Variants in PLA2R1 observed in about 807,000 individuals in gnomAD.
PLA2R1 encodes the protein phospholipase A2 receptor 1, also known as secretory phospholipase A2 receptor.
In PLA2R1, 158 loss-of-function variants were observed where a neutral mutation model predicts 195.9. The ratio of observed to expected loss-of-function variants is 0.81; its 90% CI spans 0.71 to 0.92. The LOEUF is 0.92. Among genes scored for constraint, PLA2R1 ranks in the 40% least tolerant of loss-of-function variants. The probability of loss-of-function intolerance (pLI) is 0.00; values close to 1 mark genes in which losing one functional copy is unlikely to be tolerated. For synonymous variants in PLA2R1, 586 were observed against 598.2 expected, an observed-to-expected ratio of 0.98 and a Z score of 0.30; for missense variants, 1,626 against 1,764.6, an observed-to-expected ratio of 0.92 and a Z score of 1.41.
chr2:160,024,774 T>C (rs1048287980), intron 6 of PLA2R1, among the ~76,000 whole-genome samples: 2 of 152,148 alleles, frequency 1.3e-5, no homozygotes, highest in African/African-American at 2.4e-5. Context: ...CTGTAGCACC[T>C]TGCCTTCCTG....
At chr2:160,005,972 G>GA in intron 10 of PLA2R1, 151 bp from the exon 11 acceptor site, 2 of 634,972 alleles carry the variant, frequency 3.1e-6, no homozygotes, top group Non-Finnish European at 5.7e-6. Context: ...CAAAGACCCT[G>GA]AACATTACTA....
At chr2:159,974,960 C>T (rs1442291392) in intron 17 of PLA2R1, among the ~76,000 whole-genome samples, 1 of 152,072 alleles carries the variant, frequency 6.6e-6, no homozygotes, top group African/African-American at 2.4e-5. Context: ...AGTCAACTTA[C>T]AGAGATATAA....
rs1050574292 is a variant in PLA2R1, at chr2:159,941,223, G to A, written c.*555C>T. 2 of 152,278 alleles carry A rather than the reference G, an allele frequency of 1.3e-5. No individual in the cohort carries two copies. The highest frequency in any genetic ancestry group is 1.3e-4 in the Admixed American group (2 of 15,292). 9.4% of individuals were successfully genotyped at this position (152,278 alleles called of 1,614,324 possible). ...GAATGTCACCTTAAATATCAGTTGA[G>A]AGCCCAGAACCTGTGACCCTTAAGC... is the stretch of plus-strand genomic sequence containing the variant. On this transcript the variant is annotated 3_prime_UTR_variant, in exon 30 of 30. Transcript: ENST00000283243.
intron 11 of PLA2R1, 36 bp from the exon 12 acceptor site, chr2:159,987,394 G>A (rs905858626): frequency 7.5e-6 from 11 of 1,474,450 alleles, no homozygotes; most frequent in African/African-American, 5.6e-5. Flanking sequence ...AATACCAGAC[G>A]ACTAAAACGT....
chr2:160,016,612 A>G lies in PLA2R1; in HGVS notation c.1551+2T>C. On this transcript the variant is annotated splice_donor_variant, in intron 9 of 29. Coordinates refer to ENST00000283243, the MANE Select transcript of PLA2R1 (RefSeq NM_007366.5). LOFTEE classifies it high-confidence loss of function. ...CTAAATTGCAATGTTAACAGCACTTACCTCTTGACATCCTGATTCAGCATC... is the reference window on the plus strand; with the variant it reads ...CTAAATTGCAATGTTAACAGCACTTGCCTCTTGACATCCTGATTCAGCATC... 2 of 1,516,670 alleles carry G rather than the reference A, an allele frequency of 1.3e-6. No homozygotes were observed. Among genetic ancestry groups the G allele is most frequent in the Non-Finnish European group, 1.8e-6 (2 of 1,091,442 alleles). 94.0% of individuals were successfully genotyped at this position (1,516,670 alleles called of 1,614,324 possible).
intron 6 of PLA2R1, among the ~76,000 whole-genome samples, chr2:160,026,854 G>A (rs1337694786): frequency 1.3e-5 from 2 of 152,142 alleles, no homozygotes; most frequent in Non-Finnish European, 2.9e-5. Flanking sequence ...GGAATTTTAG[G>A]CTGCGCGTGG....
chr2:159,956,275 G>A (rs1395440270), intron 21 of PLA2R1, among the ~76,000 whole-genome samples: 1 of 152,136 alleles, frequency 6.6e-6, no homozygotes, highest in Non-Finnish European at 1.5e-5. Context: ...TCTTTCCACT[G>A]CTACTGGTGA....
At chr2:160,004,058 A>C (rs1413696112) in intron 11 of PLA2R1, among the ~76,000 whole-genome samples, 1 of 152,262 alleles carries the variant, frequency 6.6e-6, no homozygotes, top group Non-Finnish European at 1.5e-5. Flanking sequence ...CAGCAGGATC[A>C]TACCAAACAG....
intron 1 of PLA2R1, among the ~76,000 whole-genome samples, chr2:160,052,430 C>T (rs1260074909): frequency 6.6e-6 from 1 of 152,230 alleles, no homozygotes; most frequent in Admixed American, 6.5e-5. Context: ...TTTGCTAGAC[C>T]TCTGTATCTT....
At chr2:159,969,142 T>C (rs1304167604) in intron 19 of PLA2R1, 114 bp downstream of exon 19, 1 of 613,326 alleles carries the variant, frequency 1.6e-6, no homozygotes, top group Non-Finnish European at 2.9e-6. Context: ...ACACGTCAAC[T>C]GAAAAGAGAA....
At chr2:159,974,745 A>C (rs561238119) in intron 17 of PLA2R1, among the ~76,000 whole-genome samples, 1 of 109,794 alleles carries the variant, frequency 9.1e-6, no homozygotes, top group Non-Finnish European at 1.6e-5. Context: ...TCTGCAACTG[A>C]GTGTCTATGG....
At chr2:159,995,053 T>C (rs1442040013) in intron 11 of PLA2R1, among the ~76,000 whole-genome samples, 1 of 152,092 alleles carries the variant, frequency 6.6e-6, no homozygotes, top group Non-Finnish European at 1.5e-5. Context: ...GTAGTTAGTC[T>C]TTGCTGGATT....
At chr2:160,014,829 G>GACAGCTCCAT (rs1280033152) in intron 9 of PLA2R1, among the ~76,000 whole-genome samples, 2 of 152,226 alleles carry the variant, frequency 1.3e-5, no homozygotes, top group East Asian at 3.9e-4. Flanking sequence ...GTGAGTAACT[G>GACAGCTCCAT]ACAGCTCCAT....
At chr2:159,951,697 A>G in intron 23 of PLA2R1, 119 bp from the exon 24 acceptor site, 1 of 658,052 alleles carries the variant, frequency 1.5e-6, no homozygotes, top group Non-Finnish European at 2.7e-6. Flanking sequence ...TTCTTCTGGA[A>G]TTGACTGTTT....
At chr2:160,049,696 C>T (rs557164969) in intron 1 of PLA2R1, among the ~76,000 whole-genome samples, 2 of 152,106 alleles carry the variant, frequency 1.3e-5, no homozygotes, top group East Asian at 1.9e-4. Context: ...CGTGGTGGTG[C>T]GTGCCTGTAT....
At chr2:160,020,373 T>C in intron 7 of PLA2R1, 110 bp from the exon 8 acceptor site, 3 of 680,328 alleles carry the variant, frequency 4.4e-6, no homozygotes, top group Non-Finnish European at 7.5e-6. Context: ...TCTTCTTTAT[T>C]TCTTTGCATG....
intron 6 of PLA2R1, among the ~76,000 whole-genome samples, chr2:160,024,491 G>A (rs1693372026): frequency 6.6e-6 from 1 of 152,154 alleles, no homozygotes; most frequent in African/African-American, 2.4e-5. Flanking sequence ...CTGCCTCCCA[G>A]GGAATCCCTA....
chr2:160,033,903 C>G (rs1694011559), intron 3 of PLA2R1, among the ~76,000 whole-genome samples: 1 of 152,114 alleles, frequency 6.6e-6, no homozygotes, highest in African/African-American at 2.4e-5. Flanking sequence ...TGTCAGAATA[C>G]AGAGAATGTG....
chr2:159,947,632 T>G, intron 25 of PLA2R1, 73 bp from the exon 26 acceptor site: 8 of 1,346,604 alleles, frequency 5.9e-6, no homozygotes, highest in Non-Finnish European at 8.4e-6. Context: ...TTACATTACA[T>G]TCTATAAAAG....
Sources: allele counts gnomAD v4.1 joint callset (sites outside exome capture counted in the v4.1 genomes callset), GRCh38; gene constraint gnomAD v4.1.1; transcripts MANE v1.5; gene names NCBI Gene and HGNC (gene_info 2026-07-23, HGNC 2026-07-21).